CCDC149: variants seen among roughly 807,000 people sequenced by gnomAD.
CCDC149 encodes coiled-coil domain containing 149.
In CCDC149, 45 loss-of-function variants were observed where a neutral mutation model predicts 59.9. The observed-to-expected ratio is 0.75, with a 90% CI of 0.59 to 0.96. The LOEUF (loss-of-function observed/expected upper bound fraction) is 0.96, where lower values mean the gene tolerates loss of function less well. CCDC149 is among the 40% of genes least tolerant of loss of function. CCDC149 has a pLI of 0.00. For synonymous variants in CCDC149, 245 were observed against 260.6 expected (o/e 0.94, Z 0.58); for missense variants, 584 against 664.7 (o/e 0.88, Z 1.33).
chr4:24,810,121 C>T (rs1343585658), intron 12 of CCDC149, among the ~76,000 whole-genome samples: 1 of 152,150 alleles, frequency 6.6e-6, no homozygotes, highest in Admixed American at 6.5e-5. Flanking sequence ...AGTTTCTCCC[C>T]TCTGTTAAAT....
intron 3 of CCDC149, among the ~76,000 whole-genome samples, chr4:24,865,811 G>A (rs781505039): frequency 1.9e-4 from 29 of 152,176 alleles, no homozygotes; most frequent in Non-Finnish European, 3.5e-4. Context: ...TCTATAAATC[G>A]GGGGGTGCTT....
At chr4:24,957,190 T>A (rs55906236) in intron 1 of CCDC149, among the ~76,000 whole-genome samples, 26,878 of 152,104 alleles carry the variant, frequency 0.18, 3,200 homozygotes, top group African/African-American at 0.32. Flanking sequence ...TTTTATAACC[T>A]GAGAACTGTT....
chr4:24,964,421 G>T (rs975193416), intron 1 of CCDC149, among the ~76,000 whole-genome samples: 3 of 152,026 alleles, frequency 2.0e-5, no homozygotes, highest in African/African-American at 7.2e-5. Context: ...AATTTGAAAC[G>T]AATGACAGAA....
intron 1 of CCDC149, among the ~76,000 whole-genome samples, chr4:24,886,670 G>A (rs1198727325): frequency 6.6e-6 from 1 of 152,100 alleles, no homozygotes; most frequent in Non-Finnish European, 1.5e-5. Flanking sequence ...AATAAAGATT[G>A]AAAAATAAAT....
chr4:24,888,704 C>A (rs975748578), intron 1 of CCDC149, among the ~76,000 whole-genome samples: 1 of 152,152 alleles, frequency 6.6e-6, no homozygotes, highest in African/African-American at 2.4e-5. Flanking sequence ...CTCCAGCCTG[C>A]GGCAATCCCT....
At chr4:24,917,236 CT>C (rs1221867401), upstream of CCDC149, among the ~76,000 whole-genome samples, 1 of 152,228 alleles carries the variant, frequency 6.6e-6, no homozygotes, top group African/African-American at 2.4e-5. Context: ...CTGCCAAGCC[CT>C]CCCTGCCCAG....
intron 1 of CCDC149, among the ~76,000 whole-genome samples, chr4:24,908,116 C>T (rs1721645664): frequency 1.3e-5 from 2 of 152,190 alleles, no homozygotes; most frequent in South Asian, 4.1e-4. Flanking sequence ...AATAAGGTCA[C>T]ATTCACAGGT....
intron 4 of CCDC149, among the ~76,000 whole-genome samples, chr4:24,842,743 T>C (rs1022098034): frequency 1.3e-5 from 2 of 152,152 alleles, no homozygotes; most frequent in African/African-American, 4.8e-5. Context: ...GCTCAGTCTG[T>C]CCTCCATGAA....
intron 1 of CCDC149, among the ~76,000 whole-genome samples, chr4:24,979,587 A>G (rs1455846561): frequency 6.6e-6 from 1 of 152,174 alleles, no homozygotes; most frequent in Non-Finnish European, 1.5e-5. Flanking sequence ...AATGATTTCT[A>G]ACTCAGTCTT....
At chr4:24,858,308 G>A (rs1718154446) in intron 3 of CCDC149, among the ~76,000 whole-genome samples, 1 of 152,210 alleles carries the variant, frequency 6.6e-6, no homozygotes, top group African/African-American at 2.4e-5. Context: ...GTTTCACAGG[G>A]AAGGAAAACA....
At chr4:24,833,331 C>T (rs1476785559) in intron 8 of CCDC149, among the ~76,000 whole-genome samples, 3 of 151,802 alleles carry the variant, frequency 2.0e-5, no homozygotes, top group Non-Finnish European at 4.4e-5. Context: ...TGTATAGATA[C>T]AGAATTATTT....
intron 10 of CCDC149, 29 bp downstream of exon 10, chr4:24,822,468 G>A: frequency 2.9e-6 from 4 of 1,396,626 alleles, no homozygotes; most frequent in East Asian, 2.7e-5. Context: ...AAAAAAAAAG[G>A]AAAATTGTTT....
At chr4:24,942,825 G>T (rs1264888728) in intron 1 of CCDC149, among the ~76,000 whole-genome samples, 2 of 151,944 alleles carry the variant, frequency 1.3e-5, no homozygotes, top group Non-Finnish European at 2.9e-5. Context: ...AAATGCCTAG[G>T]AATCCAACTT....
At chr4:24,939,132 G>T (rs537597147) in intron 1 of CCDC149, among the ~76,000 whole-genome samples, 63 of 152,336 alleles carry the variant, frequency 4.1e-4, no homozygotes, top group African/African-American at 1.4e-3. Context: ...AGCCTAACTG[G>T]GAGGCACCCC....
intron 4 of CCDC149, among the ~76,000 whole-genome samples, chr4:24,844,579 C>A (rs112782293): frequency 6.6e-6 from 1 of 152,028 alleles, no homozygotes; most frequent in African/African-American, 2.4e-5. Context: ...TCGAGGACAG[C>A]CTGGTCAACA....
chr4:24,845,145 T>C (rs779952179), intron 4 of CCDC149, among the ~76,000 whole-genome samples: 1 of 152,158 alleles, frequency 6.6e-6, no homozygotes, highest in Non-Finnish European at 1.5e-5. Flanking sequence ...CTATGTCAAG[T>C]GCTTTATAGA....
At chr4:24,887,296 G>A (rs1720243042) in intron 1 of CCDC149, among the ~76,000 whole-genome samples, 1 of 137,530 alleles carries the variant, frequency 7.3e-6, no homozygotes, top group Non-Finnish European at 1.6e-5. Context: ...TGGGGGGCGG[G>A]GATGGGGTGC....
intron 1 of CCDC149, among the ~76,000 whole-genome samples, chr4:24,896,876 G>A (rs181458405): frequency 4.6e-5 from 7 of 152,190 alleles, no homozygotes; most frequent in East Asian, 1.9e-4. Context: ...AAAAATCAAC[G>A]TCCTCGTGTT....
At chr4:24,942,500 C>G (rs773137553) in intron 1 of CCDC149, among the ~76,000 whole-genome samples, 21 of 152,042 alleles carry the variant, frequency 1.4e-4, no homozygotes, top group Admixed American at 3.9e-4. Context: ...ACAGGGATGC[C>G]CTCTCTCACC....
Sources: gnomAD v4.1 joint callset for allele counts (sites outside exome capture counted in the v4.1 genomes callset) on GRCh38, gnomAD v4.1.1 for gene constraint, MANE v1.5 for transcripts, NCBI Gene and HGNC (gene_info 2026-07-23, HGNC 2026-07-21) for gene names.